The following RSPH14 variants were observed in gnomAD, a reference collection of about 807,000 sequenced individuals.
The protein encoded by RSPH14 is radial spoke head 14 homolog, also known as rhabdoid tumor deletion region gene 1.
In RSPH14, 20 loss-of-function variants were observed where a neutral mutation model predicts 26.7. The ratio of observed to expected loss-of-function variants is 0.75; its 90% CI spans 0.53 to 1.09. The LOEUF is 1.09. Among genes scored for constraint, RSPH14 ranks in the 50% least tolerant of loss-of-function variants. The probability of loss-of-function intolerance (pLI) is 0.00; values close to 1 mark genes in which losing one functional copy is unlikely to be tolerated. For missense variants in RSPH14, 449 were observed against 457.2 expected (o/e 0.98, Z 0.16); for synonymous variants, 177 against 189.3 (o/e 0.93, Z 0.53).
At chr22:23,060,102 C>T in intron 6 of RSPH14, among the ~76,000 whole-genome samples, 1 of 151,888 alleles carries the variant, frequency 6.6e-6, no homozygotes, top group East Asian at 1.9e-4. Flanking sequence ...TCACTAGAGC[C>T]TGGGAGTTTG....
At chr22:23,087,470 G>A (rs755801944) in intron 4 of RSPH14, among the ~76,000 whole-genome samples, 1 of 152,190 alleles carries the variant, frequency 6.6e-6, no homozygotes, top group Non-Finnish European at 1.5e-5. Flanking sequence ...CCTCAATTGA[G>A]CTTATAACCG....
intron 4 of RSPH14, among the ~76,000 whole-genome samples, chr22:23,090,914 C>T (rs2068953095): frequency 6.6e-6 from 1 of 152,188 alleles, no homozygotes; most frequent in Non-Finnish European, 1.5e-5. Context: ...AGCCCAAGTG[C>T]CAGAATCAAA....
the RSPH14 span, chr22:23,153,111 T>C: frequency 2.2e-5 from 36 of 1,613,976 alleles, no homozygotes; most frequent in Non-Finnish European, 3.1e-5. Flanking sequence ...TTGAGATTGC[T>C]GGGATTCCCT....
upstream of RSPH14, among the ~76,000 whole-genome samples, chr22:23,146,391 T>TC (rs397974258): frequency 3.4e-4 from 51 of 151,868 alleles, no homozygotes; most frequent in South Asian, 6.7e-3. Flanking sequence ...GGTTTTTTTT[T>TC]GTAGAGACTG....
intron 4 of RSPH14, among the ~76,000 whole-genome samples, chr22:23,079,297 G>A (rs2068605442): frequency 1.3e-5 from 2 of 152,246 alleles, no homozygotes; most frequent in Admixed American, 1.3e-4. Flanking sequence ...TCCTAAGGAA[G>A]GGACATCTGA....
chr22:23,066,444 G>A (rs1030367810), intron 4 of RSPH14, among the ~76,000 whole-genome samples: 7 of 152,162 alleles, frequency 4.6e-5, no homozygotes, highest in African/African-American at 9.7e-5. Context: ...AAAGCCAGGC[G>A]GGACCCTCAG....
intron 4 of RSPH14, chr22:23,096,457 T>C (rs745928010): frequency 1.3e-6 from 2 of 1,560,964 alleles, no homozygotes; most frequent in South Asian, 2.4e-5. Context: ...TTGTTCCTGC[T>C]GTCGTGGGTT....
intron 4 of RSPH14, chr22:23,123,345 A>G: frequency 6.2e-7 from 1 of 1,614,072 alleles, no homozygotes; most frequent in Non-Finnish European, 8.5e-7. Context: ...CACCTGCGCC[A>G]CCGACACCAG....
rs12157941 is a variant in RSPH14, at chr22:23,117,257, C to T, written c.421+16769G>A. ...CTGATGGGGAATGAGAGGGGCTGAGCCAGAGGTGCCGACACGGTATGTTTT... is the reference window on the plus strand; with the variant it reads ...CTGATGGGGAATGAGAGGGGCTGAGTCAGAGGTGCCGACACGGTATGTTTT... On this transcript the variant is annotated intron_variant, in intron 4 of 6. Transcript: ENST00000216036. Among the ~76,000 whole-genome samples, 740 of 152,170 alleles carry T rather than the reference C, an allele frequency of 4.9e-3. 6 individuals are homozygous for T. Among genetic ancestry groups the T allele is most frequent in the African/African-American group, 0.017 (692 of 41,492 alleles).
intron 4 of RSPH14, among the ~76,000 whole-genome samples, chr22:23,121,256 G>C (rs1223430643): frequency 6.6e-6 from 1 of 152,262 alleles, no homozygotes; most frequent in Non-Finnish European, 1.5e-5. Flanking sequence ...GAAAGAGCAA[G>C]ATTGGTTTGG....
Position 23,060,849 on chromosome 22 carries a change from A to C in RSPH14, c.790+960T>G, listed in dbSNP as rs371226931. Among the ~76,000 whole-genome samples, 40 of 152,262 alleles carry C rather than the reference A, an allele frequency of 2.6e-4. 1 individual carries two copies. The South Asian group carries it at 8.1e-3, about 31-fold the overall frequency. On this transcript the variant is annotated intron_variant, in intron 6 of 6. Transcript: ENST00000216036. ...CAGCTGGAGTGCCAGCTTGGGAATA[A>C]GTGGCCTCATCTCCCTGGGTCTCAG... is the stretch of plus-strand genomic sequence containing the variant.
intron 4 of RSPH14, chr22:23,124,218 T>G (rs917468158): frequency 5.5e-5 from 9 of 164,122 alleles, no homozygotes; most frequent in East Asian, 1.8e-4. Flanking sequence ...TTTTTGGTTT[T>G]TTTTTTTTTT....
chr22:23,147,994 C>T (rs752711095), upstream of RSPH14, among the ~76,000 whole-genome samples: 2 of 151,842 alleles, frequency 1.3e-5, no homozygotes, highest in Admixed American at 1.3e-4. Context: ...ATATATAAGC[C>T]CCTACTCTCA....
At chr22:23,117,925 C>A (rs1427916418) in intron 4 of RSPH14, among the ~76,000 whole-genome samples, 2 of 152,190 alleles carry the variant, frequency 1.3e-5, no homozygotes, top group Non-Finnish European at 2.9e-5. Context: ...CCACTCCCTA[C>A]CTTGCCCCGG....
At chr22:23,113,040 C>T (rs1323391300) in intron 4 of RSPH14, among the ~76,000 whole-genome samples, 1 of 151,382 alleles carries the variant, frequency 6.6e-6, no homozygotes, top group East Asian at 1.9e-4. Context: ...GCATAGCAGC[C>T]CCCTCTGCCT....
intron 3 of RSPH14, chr22:23,137,944 C>A (rs1286872303): frequency 6.5e-6 from 1 of 153,454 alleles, no homozygotes; most frequent in Non-Finnish European, 1.5e-5. Flanking sequence ...AAAGCACCTC[C>A]AACCACCCTC....
chr22:23,126,910 A>G (rs1321393379), intron 4 of RSPH14, among the ~76,000 whole-genome samples: 3 of 152,210 alleles, frequency 2.0e-5, no homozygotes, highest in African/African-American at 7.2e-5. Context: ...TGGGTCAACA[A>G]CAGTGGTCAC....
intron 4 of RSPH14, among the ~76,000 whole-genome samples, chr22:23,108,855 T>G (rs1178651957): frequency 6.6e-6 from 1 of 152,230 alleles, no homozygotes; most frequent in Non-Finnish European, 1.5e-5. Flanking sequence ...ATTTGGGGAC[T>G]CAGTACTCTG....
intron 4 of RSPH14, among the ~76,000 whole-genome samples, chr22:23,087,591 G>A (rs1336909731): frequency 6.6e-6 from 1 of 152,222 alleles, no homozygotes; most frequent in African/African-American, 2.4e-5. Context: ...AGACCGGAGT[G>A]TTATTATTAC....
Sources: gnomAD v4.1 joint callset for allele counts (sites outside exome capture counted in the v4.1 genomes callset) on GRCh38, gnomAD v4.1.1 for gene constraint, MANE v1.5 for transcripts, NCBI Gene and HGNC (gene_info 2026-07-23, HGNC 2026-07-21) for gene names.